Variants in PPP6R3 observed in about 807,000 individuals in gnomAD.
PPP6R3 encodes serine/threonine-protein phosphatase 6 regulatory subunit 3.
PPP6R3 carries 38 observed loss-of-function variants against 110.7 expected under a neutral mutation model. The ratio of observed to expected loss-of-function variants is 0.34; its 90% CI spans 0.26 to 0.45. The LOEUF (loss-of-function observed/expected upper bound fraction) is 0.45. PPP6R3 is among the 20% of genes least tolerant of loss of function. PPP6R3 has a pLI of 1.00. For missense variants in PPP6R3, 870 were observed against 1,062.4 expected, an observed-to-expected ratio of 0.82 and a Z score of 2.52; for synonymous variants, 369 against 373.5, an observed-to-expected ratio of 0.99 and a Z score of 0.14.
At chr11:68,541,759 T>G in intron 3 of PPP6R3, among the ~76,000 whole-genome samples, 1 of 149,590 alleles carries the variant, frequency 6.7e-6, no homozygotes, top group Non-Finnish European at 1.5e-5. Context: ...GATGGAGGAG[T>G]GATTGGATGC....
intron 2 of PPP6R3, among the ~76,000 whole-genome samples, chr11:68,535,753 A>G (rs2099266757): frequency 6.8e-6 from 1 of 147,042 alleles, no homozygotes; most frequent in African/African-American, 2.5e-5. Flanking sequence ...ACTTGAGGTT[A>G]GGAGTTTAGA....
intron 14 of PPP6R3, among the ~76,000 whole-genome samples, chr11:68,579,941 C>T (rs2099546880): frequency 6.6e-6 from 1 of 152,164 alleles, no homozygotes; most frequent in Non-Finnish European, 1.5e-5. Context: ...GACAGAATTG[C>T]CTTTGTCACA....
chr11:68,588,458 C>G (rs2099585575), intron 16 of PPP6R3, among the ~76,000 whole-genome samples: 1 of 151,840 alleles, frequency 6.6e-6, no homozygotes, highest in Admixed American at 6.6e-5. Flanking sequence ...CAGAGCATGA[C>G]GTGGTCCCTT....
chr11:68,567,312 G>C, intron 10 of PPP6R3, 146 bp downstream of exon 10: 1 of 890,928 alleles, frequency 1.1e-6, no homozygotes, highest in Non-Finnish European at 1.6e-6. Flanking sequence ...TTTTTGCCTT[G>C]AGTTTATTAT....
intron 3 of PPP6R3, among the ~76,000 whole-genome samples, chr11:68,538,201 A>G (rs775543784): frequency 1.7e-4 from 26 of 152,248 alleles, no homozygotes; most frequent in Non-Finnish European, 3.4e-4. Flanking sequence ...AAATAGGAAG[A>G]TGGACATGAT....
chr11:68,558,906 T>G (rs1263049299), intron 8 of PPP6R3, among the ~76,000 whole-genome samples: 1 of 152,256 alleles, frequency 6.6e-6, no homozygotes, highest in African/African-American at 2.4e-5. Flanking sequence ...TAGACTCTAG[T>G]CATATATTTT....
At chr11:68,479,616 A>G (rs765999817) in intron 1 of PPP6R3, among the ~76,000 whole-genome samples, 19 of 152,120 alleles carry the variant, frequency 1.2e-4, no homozygotes, top group Non-Finnish European at 2.4e-4. Context: ...TCTGCAGGTC[A>G]TCTCTAGCTT....
chr11:68,559,407 C>T (rs147997005), intron 8 of PPP6R3, among the ~76,000 whole-genome samples: 327 of 152,260 alleles, frequency 2.1e-3, no homozygotes, highest in African/African-American at 7.3e-3. Context: ...ATAAGTTTTC[C>T]GGGATTGTGT....
At chr11:68,517,583 A>T (rs1027356159) in intron 1 of PPP6R3, among the ~76,000 whole-genome samples, 3 of 152,168 alleles carry the variant, frequency 2.0e-5, no homozygotes, top group Non-Finnish European at 4.4e-5. Context: ...AGCACACAAG[A>T]GCATGCAGGA....
chr11:68,528,450 C>T (rs1417074762), intron 2 of PPP6R3, among the ~76,000 whole-genome samples: 1 of 149,748 alleles, frequency 6.7e-6, no homozygotes, highest in Non-Finnish European at 1.5e-5. Context: ...GGGGGCTGCA[C>T]CTTTATGAAA....
intron 21 of PPP6R3, among the ~76,000 whole-genome samples, chr11:68,602,611 T>C (rs2099635238): frequency 6.6e-6 from 1 of 152,120 alleles, no homozygotes; most frequent in Admixed American, 6.6e-5. Context: ...AAATGAGGTT[T>C]TGGTAGAGGG....
chr11:68,474,859 T>G (rs1268656187), intron 1 of PPP6R3, among the ~76,000 whole-genome samples: 2 of 152,202 alleles, frequency 1.3e-5, no homozygotes, highest in Non-Finnish European at 2.9e-5. Flanking sequence ...ACTTACTATC[T>G]TTTGCATCTC....
intron 1 of PPP6R3, among the ~76,000 whole-genome samples, chr11:68,493,028 C>G (rs1204406106): frequency 6.6e-6 from 1 of 152,136 alleles, no homozygotes; most frequent in Non-Finnish European, 1.5e-5. Context: ...CATGGCTGAA[C>G]TTACCAGGTA....
chr11:68,572,243 G>A (rs1332677718), intron 12 of PPP6R3, among the ~76,000 whole-genome samples: 2 of 152,048 alleles, frequency 1.3e-5, no homozygotes, highest in Non-Finnish European at 2.9e-5. Flanking sequence ...CCAACCTCCA[G>A]TCTTCTTGCT....
intron 1 of PPP6R3, among the ~76,000 whole-genome samples, chr11:68,487,336 T>G (rs2098953986): frequency 7.3e-6 from 1 of 136,540 alleles, no homozygotes; most frequent in South Asian, 2.5e-4. Context: ...GCGGATCCCT[T>G]GAGCCCAGGA....
At chr11:68,489,501 T>C (rs2098969729) in intron 1 of PPP6R3, among the ~76,000 whole-genome samples, 1 of 152,060 alleles carries the variant, frequency 6.6e-6, no homozygotes, top group South Asian at 2.1e-4. Flanking sequence ...ACAGGTATTA[T>C]ACCTCGTTTT....
rs1566267485 is a variant in PPP6R3 at position 68,614,876 on chromosome 11, G to GAT, written c.*1761_*1762dup. The GAT allele has an allele frequency of 1.1e-6, 1 of 907,718 alleles. No individual in the cohort carries two copies. The highest frequency in any genetic ancestry group is 1.4e-5 in the South Asian group (1 of 71,066). 56.2% of individuals were successfully genotyped at this position (907,718 alleles called of 1,614,324 possible). A position where few individuals can be genotyped will look rare whatever the true frequency, so the allele number is the denominator to read the frequency against. ...CGTTGGACCTCGGGGATTACTGGTA[G>GAT]ATAATATGCTCTGGTCTCGCCTGGT... is the stretch of plus-strand genomic sequence containing the variant. On this transcript the variant is annotated 3_prime_UTR_variant, in exon 24 of 24. Coordinates refer to ENST00000393800, the MANE Select transcript of PPP6R3 (RefSeq NM_001164161.2).
chr11:68,497,423 G>T (rs2099024187), intron 1 of PPP6R3, among the ~76,000 whole-genome samples: 1 of 151,984 alleles, frequency 6.6e-6, no homozygotes, highest in Non-Finnish European at 1.5e-5. Context: ...TGCGATCACT[G>T]CTCACTGCAG....
chr11:68,573,778 C>T (rs2099519674), intron 12 of PPP6R3, among the ~76,000 whole-genome samples: 2 of 152,080 alleles, frequency 1.3e-5, no homozygotes, highest in Non-Finnish European at 2.9e-5. Flanking sequence ...ATCACAATAA[C>T]ATTAGGCATC....
Sources: allele counts gnomAD v4.1 joint callset (sites outside exome capture counted in the v4.1 genomes callset), GRCh38; gene constraint gnomAD v4.1.1; transcripts MANE v1.5; gene names NCBI Gene and HGNC (gene_info 2026-07-23, HGNC 2026-07-21).